Variants in DNM3 observed in about 807,000 individuals in gnomAD.
The protein encoded by DNM3 is dynamin 3, also known as dynamin-3.
DNM3 carries 47 observed loss-of-function variants against 101.6 expected under a neutral mutation model. The ratio of observed to expected loss-of-function variants is 0.46; its 90% CI spans 0.37 to 0.59. The LOEUF (loss-of-function observed/expected upper bound fraction) is 0.59. Ranked by LOEUF, DNM3 falls within the 20% of genes least tolerant of loss-of-function variation. DNM3 has a pLI of 0.00. For synonymous variants in DNM3, 385 were observed against 387.9 expected (o/e 0.99, Z 0.09); for missense variants, 849 against 1,085.7 (o/e 0.78, Z 3.06).
intron 1 of DNM3, among the ~76,000 whole-genome samples, chr1:171,914,437 G>A (rs1051886375): frequency 5.3e-5 from 8 of 152,226 alleles, no homozygotes; most frequent in Admixed American, 6.5e-5. Flanking sequence ...GATTACAGGC[G>A]TGAGCCACCA....
intron 14 of DNM3, among the ~76,000 whole-genome samples, chr1:172,193,761 A>C (rs1208688053): frequency 6.6e-6 from 1 of 151,330 alleles, no homozygotes; most frequent in African/African-American, 2.4e-5. Context: ...TTTCTTCTTT[A>C]TTAGTCTTGC....
At chr1:172,405,258 A>G (rs2070788899) in intron 20 of DNM3, among the ~76,000 whole-genome samples, 1 of 152,110 alleles carries the variant, frequency 6.6e-6, no homozygotes, top group Non-Finnish European at 1.5e-5. Flanking sequence ...CTGAATACAC[A>G]TAATAAATGC....
At chr1:171,863,060 A>T (rs61333967) in intron 1 of DNM3, among the ~76,000 whole-genome samples, 6 of 131,436 alleles carry the variant, frequency 4.6e-5, no homozygotes, top group East Asian at 4.7e-4. Flanking sequence ...TTTTTTTTTT[A>T]AAGACAATAC....
At chr1:172,318,222 TG>T (rs1350667241) in intron 16 of DNM3, among the ~76,000 whole-genome samples, 4 of 152,194 alleles carry the variant, frequency 2.6e-5, no homozygotes, top group Non-Finnish European at 5.9e-5. Flanking sequence ...AATTAGGTAT[TG>T]ATGGGACGTA....
At chr1:172,391,733 T>C (rs1421068416) in intron 20 of DNM3, among the ~76,000 whole-genome samples, 2 of 152,194 alleles carry the variant, frequency 1.3e-5, no homozygotes, top group African/African-American at 2.4e-5. Context: ...TCAAGTTTTT[T>C]ACTTTCTTAA....
intron 14 of DNM3, among the ~76,000 whole-genome samples, chr1:172,206,705 ATAGTCTTCC>A (rs1035942166): frequency 1.3e-5 from 2 of 152,076 alleles, no homozygotes; most frequent in African/African-American, 4.8e-5. Flanking sequence ...TTATTATGAG[ATAGTCTTCC>A]TATGGGCCTT....
intron 14 of DNM3, among the ~76,000 whole-genome samples, chr1:172,197,447 T>C (rs2059994277): frequency 6.6e-6 from 1 of 152,130 alleles, no homozygotes; most frequent in African/African-American, 2.4e-5. Context: ...CTGTGAAGAA[T>C]GTCATTGGTA....
chr1:172,048,299 C>T (rs2049961825), intron 9 of DNM3, among the ~76,000 whole-genome samples: 1 of 152,164 alleles, frequency 6.6e-6, no homozygotes, highest in South Asian at 2.1e-4. Context: ...GTGAAGCTCA[C>T]TCGCTGCTCC....
intron 2 of DNM3, among the ~76,000 whole-genome samples, chr1:171,969,453 G>A (rs1026553451): frequency 6.6e-6 from 1 of 152,160 alleles, no homozygotes; most frequent in Non-Finnish European, 1.5e-5. Context: ...GTGAACAAAA[G>A]TTGTCTTATT....
chr1:171,927,004 C>T (rs1272729053), intron 2 of DNM3, among the ~76,000 whole-genome samples: 1 of 152,126 alleles, frequency 6.6e-6, no homozygotes, highest in Non-Finnish European at 1.5e-5. Flanking sequence ...AGGATGTCTG[C>T]TCTTGTCACT....
At chr1:171,993,498 C>CTTTTTTTTTTTTT (rs145178902) in intron 4 of DNM3, among the ~76,000 whole-genome samples, 31 of 128,684 alleles carry the variant, frequency 2.4e-4, no homozygotes, top group African/African-American at 6.8e-4. Context: ...TTTCAAGATT[C>CTTTTTTTTTTTTT]TTTTTTTTTT....
chr1:171,971,388 A>T (rs2043984038), intron 2 of DNM3, among the ~76,000 whole-genome samples: 1 of 152,138 alleles, frequency 6.6e-6, no homozygotes, highest in South Asian at 2.1e-4. Context: ...TCTACATAGC[A>T]TTCATTTGAC....
At chr1:172,146,223 A>T (rs1279774442) in intron 14 of DNM3, among the ~76,000 whole-genome samples, 1 of 152,202 alleles carries the variant, frequency 6.6e-6, no homozygotes. Context: ...GCTGCATTGT[A>T]TATTTCAAAA....
intron 2 of DNM3, among the ~76,000 whole-genome samples, chr1:171,966,993 A>G (rs2043638086): frequency 6.6e-6 from 1 of 152,184 alleles, no homozygotes; most frequent in Non-Finnish European, 1.5e-5. Flanking sequence ...TATGGAGTGT[A>G]GCAAGGGTGT....
At chr1:172,198,777 A>G (rs1328995176) in intron 14 of DNM3, among the ~76,000 whole-genome samples, 1 of 143,156 alleles carries the variant, frequency 7.0e-6, no homozygotes, top group Non-Finnish European at 1.5e-5. Flanking sequence ...AGCATTTCTA[A>G]TTGTGTTTAT....
At chr1:171,847,702 G>A (rs1303480839) in intron 1 of DNM3, among the ~76,000 whole-genome samples, 1 of 152,112 alleles carries the variant, frequency 6.6e-6, no homozygotes, top group Non-Finnish European at 1.5e-5. Flanking sequence ...TTAGTTAAAG[G>A]AGTAGAATAA....
intron 13 of DNM3, among the ~76,000 whole-genome samples, chr1:172,124,138 C>T (rs2056482536): frequency 6.6e-6 from 1 of 152,166 alleles, no homozygotes; most frequent in African/African-American, 2.4e-5. Flanking sequence ...AAATAATATA[C>T]ATTAATAATA....
At chr1:171,976,158 G>A (rs2044356114) in intron 2 of DNM3, among the ~76,000 whole-genome samples, 2 of 152,066 alleles carry the variant, frequency 1.3e-5, no homozygotes, top group South Asian at 4.2e-4. Flanking sequence ...AAGGTTACTG[G>A]AAAAAAATAG....
intron 2 of DNM3, among the ~76,000 whole-genome samples, chr1:171,944,495 G>A (rs1010803138): frequency 9.3e-5 from 14 of 151,290 alleles, no homozygotes; most frequent in Admixed American, 1.3e-4. Flanking sequence ...CCCACTACCC[G>A]CTGCAGTGGC....
Sources: allele counts gnomAD v4.1 joint callset (sites outside exome capture counted in the v4.1 genomes callset), GRCh38; gene constraint gnomAD v4.1.1; transcripts MANE v1.5; gene names NCBI Gene and HGNC (gene_info 2026-07-23, HGNC 2026-07-21).